The following AKR1C1 variants were observed in gnomAD, a reference collection of about 807,000 sequenced individuals.
The protein encoded by AKR1C1 is 20 alpha-hydroxysteroid dehydrogenase.
A neutral mutation model predicts 40.6 loss-of-function variants in AKR1C1; 32 were observed. The ratio of observed to expected loss-of-function variants is 0.79; its 90% CI spans 0.60 to 1.06. The LOEUF (loss-of-function observed/expected upper bound fraction) is 1.06. AKR1C1 is among the 50% of genes least tolerant of loss of function. The pLI, the probability that AKR1C1 is intolerant of heterozygous loss-of-function variation, is 0.00. For synonymous variants in AKR1C1, 105 were observed against 134.2 expected (o/e 0.78, Z 1.50); for missense variants, 320 against 363.5 (o/e 0.88, Z 0.97).
At chr10:4,972,844 C>T (rs1295041029) in intron 7 of AKR1C1, 95 bp downstream of exon 7, 12 of 1,488,720 alleles carry the variant, frequency 8.1e-6, no homozygotes, top group Middle Eastern at 4.9e-4. Flanking sequence ...GGGCCAGCTC[C>T]ATTTCCCTGT....
intron 5 of AKR1C1, chr10:4,969,670 T>G (rs762626990): frequency 3.1e-6 from 5 of 1,610,548 alleles, no homozygotes; most frequent in East Asian, 4.5e-5. Flanking sequence ...GTGTTCCTTT[T>G]GTAGCCTAGA....
intron 5 of AKR1C1, chr10:4,969,790 TC>T: frequency 5.8e-6 from 9 of 1,560,478 alleles, no homozygotes; most frequent in Non-Finnish European, 7.9e-6. Context: ...ACTACACTTT[TC>T]CCAGTAAATT....
chr10:4,965,021 G>T (rs150148256), intron 1 of AKR1C1, among the ~76,000 whole-genome samples: 2,167 of 152,294 alleles, frequency 0.014, 17 homozygotes, highest in South Asian at 0.038. Flanking sequence ...GAGACTTTTG[G>T]AAGTTTTGTG....
At chr10:4,972,017 G>A (rs549469250) in intron 5 of AKR1C1, among the ~76,000 whole-genome samples, 184 bp from the exon 6 acceptor site, 269 of 150,838 alleles carry the variant, frequency 1.8e-3, no homozygotes, top group African/African-American at 6.3e-3. Flanking sequence ...CTCAGAAATA[G>A]CATTTCTATT....
In AKR1C1 at chr10:4,981,560, A is replaced by G. The variant is rs780581332; in HGVS notation, c.*3818A>G. 3.9e-5 allele frequency: 6 copies of G among 152,218 alleles called. No homozygotes were observed. The highest frequency in any genetic ancestry group is 7.2e-5 in the African/African-American group (3 of 41,444). 9.4% of individuals were successfully genotyped at this position (152,218 alleles called of 1,614,324 possible). The stretch of plus-strand genomic sequence containing the variant: ...ATTGTGAATTTCTTTTCAAGAACCA[A>G]TGCAGAGACTTAACAGATATATGAA... On this transcript the variant is annotated 3_prime_UTR_variant, in exon 9 of 9. Transcript: ENST00000380872.
In AKR1C1 at chr10:4,979,454, G is replaced by A. The variant is rs1434507338; in HGVS notation, c.*1712G>A. ...ATCTCATGTAAACCATGGCCATCCT[G>A]TTCTACCTTAACTTTCTGAGTCTAT... On this transcript the variant is annotated 3_prime_UTR_variant, in exon 9 of 9. Coordinates refer to ENST00000380872, the MANE Select transcript of AKR1C1 (RefSeq NM_001353.6). 109 of 152,142 alleles carry A rather than the reference G, an allele frequency of 7.2e-4. No homozygotes were observed. The highest frequency in any genetic ancestry group is 3.4e-3 in the Middle Eastern group (1 of 294). 9.4% of individuals were successfully genotyped at this position (152,142 alleles called of 1,614,324 possible).
chr10:4,977,335 G>A (rs1836542115), intron 8 of AKR1C1, among the ~76,000 whole-genome samples: 1 of 152,180 alleles, frequency 6.6e-6, no homozygotes, highest in Admixed American at 6.5e-5. Flanking sequence ...ATGAGCATAT[G>A]TCTTGCTTAT....
chr10:4,983,133 C>A lies in AKR1C1; in HGVS notation c.*5391C>A, dbSNP rs1186109068. The A allele has an allele frequency of 3.8e-6, 1 of 266,162 alleles. No individual in the cohort carries two copies. Among genetic ancestry groups the A allele is most frequent in the East Asian group, 1.2e-4 (1 of 8,276 alleles). 16.5% of individuals were successfully genotyped at this position (266,162 alleles called of 1,614,324 possible). Reference sequence around the variant, plus strand: ...GGAGATGGAGGCACCCAGACAGATGCCCCATGGACATCCTGAAGCAGAGCT... The same window carrying A: ...GGAGATGGAGGCACCCAGACAGATGACCCATGGACATCCTGAAGCAGAGCT... On this transcript the variant is annotated 3_prime_UTR_variant, in exon 9 of 9. Coordinates refer to ENST00000380872, the MANE Select transcript of AKR1C1 (RefSeq NM_001353.6).
chr10:4,977,136 G>A (rs1433285370), intron 8 of AKR1C1, among the ~76,000 whole-genome samples: 1 of 152,110 alleles, frequency 6.6e-6, no homozygotes. Context: ...TACATTTTGT[G>A]TTATTTCTGC....
In AKR1C1 at chr10:4,963,502, G is replaced by C. The variant is rs1384869123; in HGVS notation, c.58G>C (p.Gly20Arg). 5 of 1,613,622 alleles carry C rather than the reference G, an allele frequency of 3.1e-6. No homozygotes were observed. The South Asian group carries it at 4.4e-5, about 14-fold the overall frequency. The change falls in exon 1 of 9, where the codon GGA becomes CGA. Residue 20 changes from glycine (G) to arginine (R), a missense_variant. This residue lies in a region of AKR1C1 where 214 missense variants were observed against 214.8 expected (regional missense o/e 1.00). Transcript: ENST00000380872. The stretch of plus-strand genomic sequence containing the variant: ...TGATGGTCACTTCATGCCTGTCCTG[G>C]GATTTGGCACCTATGCGCCTGCAGA... ...LNDGHFMPVL[G>R]FGTYAPAEVP... is the part of the protein sequence containing the mutation.
intron 7 of AKR1C1, among the ~76,000 whole-genome samples, chr10:4,973,524 G>T (rs1221545245): frequency 6.6e-6 from 1 of 152,168 alleles, no homozygotes; most frequent in East Asian, 1.9e-4. Context: ...GCAGTGAGTG[G>T]ACATGTGCAA....
rs781923069 is a variant in AKR1C1, at chr10:4,972,297, C to T, written c.667C>T (p.Arg223Ter). Residue 223 changes from arginine to a stop codon, truncating the protein, a stop_gained, in exon 6 of 9, where the codon CGA becomes TGA. Transcript: ENST00000380872. LOFTEE classifies it high-confidence loss of function. ...LVAYSALGSHREEPWVDPNSP... is the reference protein window; with the variant it reads ...LVAYSALGSH ...TGCCTATAGTGCTCTGGGATCCCAC[C>T]GAGAAGAACCATGGTAATAAGAGAT... is the stretch of plus-strand genomic sequence containing the variant. 7 of 1,613,294 alleles carry T rather than the reference C, an allele frequency of 4.3e-6. No individual in the cohort carries two copies. Among genetic ancestry groups the T allele is most frequent in the East Asian group, 2.2e-5 (1 of 44,888 alleles).
chr10:4,971,373 C>G (rs541368517), intron 5 of AKR1C1, among the ~76,000 whole-genome samples: 1 of 151,960 alleles, frequency 6.6e-6, no homozygotes, highest in East Asian at 1.9e-4. Context: ...TGACCACCAT[C>G]AGAGTAGACA....
intron 8 of AKR1C1, among the ~76,000 whole-genome samples, chr10:4,976,608 G>A (rs1347634685): frequency 6.6e-6 from 1 of 152,292 alleles, no homozygotes; most frequent in South Asian, 2.1e-4. Flanking sequence ...AATGCAGAGT[G>A]TAGATGCAAA....
chr10:4,963,596 C>G (rs1836281561), intron 1 of AKR1C1, 68 bp downstream of exon 1: 1 of 1,378,140 alleles, frequency 7.3e-7, no homozygotes, highest in Non-Finnish European at 1.0e-6. Flanking sequence ...ACCAGGTTGT[C>G]AGGCTTGTGT....
chr10:4,977,669 T>G, intron 8 of AKR1C1, 31 bp from the exon 9 acceptor site: 1 of 1,612,776 alleles, frequency 6.2e-7, no homozygotes, highest in Non-Finnish European at 8.5e-7. Context: ...TCATTGCCAT[T>G]CAGAGTGTGC....
At chr10:4,966,124 T>C in intron 2 of AKR1C1, 43 bp downstream of exon 2, 6 of 1,584,060 alleles carry the variant, frequency 3.8e-6, no homozygotes, top group Non-Finnish European at 5.2e-6. Flanking sequence ...GTATTTATTG[T>C]GATTGTGTGG....
At chr10:4,964,246 A>T (rs1836292565) in intron 1 of AKR1C1, among the ~76,000 whole-genome samples, 1 of 152,230 alleles carries the variant, frequency 6.6e-6, no homozygotes, top group Non-Finnish European at 1.5e-5. Context: ...GTATCTCAAG[A>T]CTGTCTTGGG....
chr10:4,974,998 G>T (rs1836503895), intron 7 of AKR1C1, among the ~76,000 whole-genome samples: 1 of 151,984 alleles, frequency 6.6e-6, no homozygotes, highest in Non-Finnish European at 1.5e-5. Context: ...CTAAATGTTT[G>T]ACAATATTGA....
Sources: gnomAD v4.1 joint callset for allele counts (sites outside exome capture counted in the v4.1 genomes callset) on GRCh38, gnomAD v4.1.1 for gene constraint, gnomAD v4.1.1 regional missense constraint, MANE v1.5 for transcripts, NCBI Gene and HGNC (gene_info 2026-07-23, HGNC 2026-07-21) for gene names.